The following KPNA7 variants were observed in gnomAD, a reference collection of about 807,000 sequenced individuals.
KPNA7 encodes karyopherin subunit alpha 7.
A neutral mutation model predicts 53.7 loss-of-function variants in KPNA7; 54 were observed. The ratio of observed to expected loss-of-function variants is 1.01; its 90% CI spans 0.81 to 1.26. KPNA7 has a LOEUF of 1.26. Ranked by LOEUF, KPNA7 falls within the 50% of genes most tolerant of loss-of-function variation. KPNA7 has a pLI of 0.00. For missense variants in KPNA7, 640 were observed against 644.5 expected (o/e 0.99, Z 0.07); for synonymous variants, 276 against 259.3 (o/e 1.06, Z -0.62).
intron 9 of KPNA7, among the ~76,000 whole-genome samples, chr7:99,179,268 TTAGCTAAGCTGGACACAG>T (rs1353397387): frequency 7.2e-5 from 11 of 152,116 alleles, no homozygotes; most frequent in Non-Finnish European, 1.6e-4. Context: ...TAAAAGAACC[TTAGCTAAGCTGGACACAG>T]TGGCCCATTC....
chr7:99,182,645 T>C (rs1377419468), intron 8 of KPNA7, among the ~76,000 whole-genome samples: 1 of 152,240 alleles, frequency 6.6e-6, no homozygotes, highest in Non-Finnish European at 1.5e-5. Flanking sequence ...CTGCCTCTAG[T>C]TCTTGATCAG....
At chr7:99,187,096 G>A (rs1262966732) in intron 7 of KPNA7, among the ~76,000 whole-genome samples, 1 of 152,042 alleles carries the variant, frequency 6.6e-6, no homozygotes, top group Non-Finnish European at 1.5e-5. Context: ...GGACCAGCCT[G>A]GCCAACCTGG....
At chr7:99,152,340 CGA>C in the KPNA7 span, among the ~76,000 whole-genome samples, 8 of 139,386 alleles carry the variant, frequency 5.7e-5, no homozygotes, top group Admixed American at 6.3e-4. Context: ...CCCGACAGAG[CGA>C]GAGAGACTCC....
At chr7:99,185,278 G>C in intron 7 of KPNA7, 116 bp from the exon 8 acceptor site, 1 of 702,198 alleles carries the variant, frequency 1.4e-6, no homozygotes, top group Non-Finnish European at 2.5e-6. Context: ...ATGGTTGTCT[G>C]ACAGCCTGTG....
At chr7:99,187,799 TA>T (rs55867906) in intron 7 of KPNA7, among the ~76,000 whole-genome samples, 3 of 65,104 alleles carry the variant, frequency 4.6e-5, no homozygotes, top group African/African-American at 2.4e-4. Context: ...CCTTTTTTTT[TA>T]AAAAAAAAAA....
At chr7:99,146,269 T>C in the KPNA7 span, among the ~76,000 whole-genome samples, 2 of 152,216 alleles carry the variant, frequency 1.3e-5, no homozygotes, top group Non-Finnish European at 2.9e-5. Context: ...CTTCGTTGGC[T>C]TGACTGTTTC....
chr7:99,155,011 A>G, the KPNA7 span, among the ~76,000 whole-genome samples: 1 of 151,998 alleles, frequency 6.6e-6, no homozygotes, highest in Admixed American at 6.6e-5. Context: ...ACACATATAT[A>G]CTTTTTATAA....
Position 99,177,923 on chromosome 7 carries a change from A to C in KPNA7, c.1461T>G (p.Gly487=). The change falls in exon 10 of 11, where the codon GGT becomes GGG. Residue 487 remains glycine, a synonymous_variant. Coordinates refer to ENST00000327442, the MANE Select transcript of KPNA7 (RefSeq NM_001145715.3). ...TCCACGCTCCTAAGTCACTTACCTCACCAAAGTGCTTCTCGATGATGTTCA... is the reference window on the plus strand; with the variant it reads ...TCCACGCTCCTAAGTCACTTACCTCCCCAAAGTGCTTCTCGATGATGTTCA... ...SALNIIEKHF[G]EEEDESQTLL... 4 of 1,551,602 alleles carry C rather than the reference A, an allele frequency of 2.6e-6. No individual in the cohort carries two copies. The highest frequency in any genetic ancestry group is 3.5e-6 in the Non-Finnish European group (4 of 1,146,902).
upstream of KPNA7, among the ~76,000 whole-genome samples, chr7:99,211,136 C>A (rs746664553): frequency 2.3e-4 from 35 of 152,140 alleles, no homozygotes; most frequent in Admixed American, 3.9e-4. Context: ...GAATTTAGAG[C>A]TGGCTGGGCA....
chr7:99,191,846 C>T (rs778604708), intron 6 of KPNA7, among the ~76,000 whole-genome samples: 6 of 152,086 alleles, frequency 3.9e-5, no homozygotes, highest in Non-Finnish European at 5.9e-5. Flanking sequence ...GATAGGATTT[C>T]GCCATATTAG....
chr7:99,175,894 C>G (rs1007177135), intron 10 of KPNA7, among the ~76,000 whole-genome samples: 2 of 152,038 alleles, frequency 1.3e-5, no homozygotes, highest in Middle Eastern at 3.2e-3. Flanking sequence ...TTGTATGGTC[C>G]TTTATTTTGC....
At chr7:99,194,486 C>G (rs544232080) in intron 5 of KPNA7, among the ~76,000 whole-genome samples, 5 of 152,120 alleles carry the variant, frequency 3.3e-5, no homozygotes, top group African/African-American at 4.8e-5. Context: ...CTTGAAGCCA[C>G]GAAGCCCTGA....
chr7:99,189,750 T>C (rs532484926), intron 6 of KPNA7, among the ~76,000 whole-genome samples: 1 of 152,058 alleles, frequency 6.6e-6, no homozygotes, highest in East Asian at 1.9e-4. Context: ...GCCTCCTGAG[T>C]AGCTGTGGCT....
chr7:99,167,981 T>TC, the KPNA7 span, among the ~76,000 whole-genome samples: 126,269 of 137,868 alleles, frequency 0.92, 57,852 homozygotes, highest in East Asian at 0.99. Flanking sequence ...CCCAAACCAT[T>TC]CCCCCACCCC....
At chr7:99,181,023 G>C (rs375678030) in intron 9 of KPNA7, among the ~76,000 whole-genome samples, 907 of 3,346 alleles carry the variant, frequency 0.27, 400 homozygotes, top group Non-Finnish European at 0.52. Context: ...CTGTGTGTGT[G>C]TCTCTCTGTG....
At chr7:99,156,637 G>A in the KPNA7 span, among the ~76,000 whole-genome samples, 1 of 152,026 alleles carries the variant, frequency 6.6e-6, no homozygotes, top group Admixed American at 6.6e-5. Context: ...TGATTCTCCT[G>A]CCTCAGCCTC....
At chr7:99,198,803 C>A (rs1480753355) in intron 3 of KPNA7, among the ~76,000 whole-genome samples, 1 of 151,806 alleles carries the variant, frequency 6.6e-6, no homozygotes, top group African/African-American at 2.4e-5. Flanking sequence ...ATAAAGTGCA[C>A]CCAGATTGGA....
chr7:99,187,799 TAAAAAAAAAAAAAAAAAAAAAAA>T (rs55867906), intron 7 of KPNA7, among the ~76,000 whole-genome samples: 8 of 65,106 alleles, frequency 1.2e-4, no homozygotes, highest in African/African-American at 2.4e-4. Context: ...CCTTTTTTTT[TAAAAAAAAAAAAAAAAAAAAAAA>T]AAAAAAAAAA....
chr7:99,199,063 C>CT (rs1214808954), intron 3 of KPNA7, among the ~76,000 whole-genome samples: 3 of 41,192 alleles, frequency 7.3e-5, no homozygotes, highest in Admixed American at 5.9e-4. Context: ...ATGCTGCAAA[C>CT]TGAAAAAAAA....
Sources: allele counts gnomAD v4.1 joint callset (sites outside exome capture counted in the v4.1 genomes callset), GRCh38; gene constraint gnomAD v4.1.1; transcripts MANE v1.5; gene names NCBI Gene and HGNC (gene_info 2026-07-23, HGNC 2026-07-21).